Variants in PROS1 observed in about 807,000 individuals in gnomAD.
The protein encoded by PROS1 is protein S, also known as vitamin K-dependent protein S.
In PROS1, 29 loss-of-function variants were observed where a neutral mutation model predicts 75.9. The observed-to-expected ratio is 0.38, with a 90% confidence interval of 0.28 to 0.52. The LOEUF (loss-of-function observed/expected upper bound fraction) is 0.52. Among genes scored for constraint, PROS1 ranks in the 20% least tolerant of loss-of-function variants. The probability of loss-of-function intolerance (pLI) is 0.83; values close to 1 mark genes in which losing one functional copy is unlikely to be tolerated. For synonymous variants in PROS1, 245 were observed against 280.6 expected, an observed-to-expected ratio of 0.87 and a Z score of 1.27; for missense variants, 680 against 810.3, an observed-to-expected ratio of 0.84 and a Z score of 1.95.
chr3:93,973,445 G>C lies in PROS1; in HGVS notation c.76+229C>G, dbSNP rs1478928675. ...ATACTTAGTGTCATCTAGGTTCTTA[G>C]ATCTGTCCTGTAGGCAATACATTCT... is the stretch of plus-strand genomic sequence containing the variant. On this transcript the variant is annotated intron_variant, in intron 1 of 14. Transcript: ENST00000394236. The C allele has an allele frequency of 1.1e-5, 6 of 551,136 alleles. No homozygotes were observed. In the East Asian group the frequency reaches 1.6e-4, roughly 15 times the overall value. The allele number at this position is 551,136 out of a possible 1,614,324, so 34.1% of individuals were successfully genotyped here. A position where few individuals can be genotyped will look rare whatever the true frequency, so the allele number is the denominator to read the frequency against.
chr3:93,962,045 A>T (rs1345754007), intron 1 of PROS1, among the ~76,000 whole-genome samples: 1 of 152,142 alleles, frequency 6.6e-6, no homozygotes, highest in African/African-American at 2.4e-5. Flanking sequence ...AACCACTGGA[A>T]TTTTTAATAA....
chr3:93,887,838 C>A (rs1387438188), intron 10 of PROS1, among the ~76,000 whole-genome samples: 2 of 152,170 alleles, frequency 1.3e-5, no homozygotes, highest in African/African-American at 4.8e-5. Flanking sequence ...CACTATGACT[C>A]CACTCCAGGG....
Position 93,917,310 on chromosome 3 carries a change from G to T in PROS1, c.260-6605C>A, listed in dbSNP as rs1403508569. Among the ~76,000 whole-genome samples, 56 of 152,102 alleles carry T rather than the reference G, an allele frequency of 3.7e-4. No individual in the cohort carries two copies. The South Asian group carries it at 8.3e-3, about 23-fold the overall frequency. On this transcript the variant is annotated intron_variant, in intron 3 of 14. Transcript: ENST00000394236. ...GTTTTGTTTTGTTTTTTGTTTCTTTGTTTTTTTCTTTGAGACAGAGTCTCT... is the reference window on the plus strand; with the variant it reads ...GTTTTGTTTTGTTTTTTGTTTCTTTTTTTTTTTCTTTGAGACAGAGTCTCT...
chr3:93,907,736 A>T (rs1266540415), intron 4 of PROS1, among the ~76,000 whole-genome samples: 2 of 152,236 alleles, frequency 1.3e-5, no homozygotes, highest in Non-Finnish European at 2.9e-5. Context: ...AAGATCCCAT[A>T]ACACTACTTC....
At chr3:93,920,257 A>T (rs981832649) in intron 3 of PROS1, among the ~76,000 whole-genome samples, 2 of 152,054 alleles carry the variant, frequency 1.3e-5, no homozygotes, top group African/African-American at 4.8e-5. Flanking sequence ...TAATAAAATA[A>T]AATAAAATCA....
intron 3 of PROS1, among the ~76,000 whole-genome samples, chr3:93,922,036 C>T (rs1311485176): frequency 6.6e-6 from 1 of 152,072 alleles, no homozygotes; most frequent in African/African-American, 2.4e-5. Flanking sequence ...CAGTTAGAAC[C>T]CAATCCCCCA....
rs188192803 is a variant in PROS1, at chr3:93,899,482, A to T, written c.728-913T>A. 1.8e-3 allele frequency among the ~76,000 whole-genome samples: 268 copies of T among 152,286 alleles called. 2 individuals carry two copies. Among genetic ancestry groups the T allele is most frequent in the African/African-American group, 5.9e-3 (245 of 41,574 alleles). ...ATAAGAGTCATATATAAATCTTTTT[A>T]AAAAATATGTCATTCATTAAATAAA... On this transcript the variant is annotated intron_variant, in intron 7 of 14. Transcript: ENST00000394236.
intron 1 of PROS1, among the ~76,000 whole-genome samples, chr3:93,943,760 G>C (rs1709332705): frequency 6.6e-6 from 1 of 152,162 alleles, no homozygotes; most frequent in African/African-American, 2.4e-5. Flanking sequence ...CCTGAAGCAA[G>C]TGAAGAATCA....
rs1250508132 is a variant in PROS1 at position 93,879,231 on chromosome 3, A to G, written c.1576T>C (p.Leu526=). The G allele has an allele frequency of 2.5e-6, 4 of 1,614,206 alleles. No individual in the cohort carries two copies. Among genetic ancestry groups the G allele is most frequent in the Middle Eastern group, 1.7e-4 (1 of 6,060 alleles). The change falls in exon 13 of 15, where the codon TTG becomes CTG. Residue 526 remains leucine, a synonymous_variant. Transcript: ENST00000394236. ...PSTGTGVMLA[L]VSGNNTVPFA... ...GGCACTGTGTTGTTACCAGAAACCA[A>G]GGCAAGCATAACACCAGTGCCCGTG...
At chr3:93,933,525 G>A (rs1277437536) in intron 1 of PROS1, among the ~76,000 whole-genome samples, 6 of 151,440 alleles carry the variant, frequency 4.0e-5, no homozygotes, top group African/African-American at 1.2e-4. Context: ...AGGGAGCCCC[G>A]AATGTGTCAC....
intron 1 of PROS1, among the ~76,000 whole-genome samples, chr3:93,966,428 C>T (rs1026115008): frequency 2.6e-5 from 4 of 152,140 alleles, no homozygotes; most frequent in African/African-American, 9.7e-5. Context: ...GGCAGAATGA[C>T]CTACTTAATG....
intron 7 of PROS1, among the ~76,000 whole-genome samples, chr3:93,899,257 T>C (rs1358879745): frequency 6.6e-6 from 1 of 152,014 alleles, no homozygotes; most frequent in Non-Finnish European, 1.5e-5. Flanking sequence ...TCTTGGAAAT[T>C]TATAATATTA....
chr3:93,973,261 G>T (rs759906884), intron 1 of PROS1, among the ~76,000 whole-genome samples: 1 of 152,148 alleles, frequency 6.6e-6, no homozygotes, highest in Non-Finnish European at 1.5e-5. Flanking sequence ...CAGGTTTCAG[G>T]AGACGGGTGC....
At chr3:93,928,011 A>ATATATTTTT (rs1235149837) in intron 1 of PROS1, among the ~76,000 whole-genome samples, 8 of 44,458 alleles carry the variant, frequency 1.8e-4, no homozygotes, top group Admixed American at 3.8e-4. Flanking sequence ...ATATATATAT[A>ATATATTTTT]TTTTTTTTTT....
chr3:93,966,655 G>A (rs1014109599), intron 1 of PROS1, among the ~76,000 whole-genome samples: 4 of 151,968 alleles, frequency 2.6e-5, no homozygotes, highest in Non-Finnish European at 5.9e-5. Flanking sequence ...AAGGCGGGTG[G>A]ATCACAATGT....
chr3:93,965,333 G>A (rs770210296), intron 1 of PROS1, among the ~76,000 whole-genome samples: 8 of 152,176 alleles, frequency 5.3e-5, no homozygotes, highest in Non-Finnish European at 1.2e-4. Flanking sequence ...CTCCGGATCC[G>A]GAAGGGTGTC....
At chr3:93,904,971 A>T (rs1310877101) in intron 6 of PROS1, among the ~76,000 whole-genome samples, 15 of 152,192 alleles carry the variant, frequency 9.9e-5, no homozygotes, top group Admixed American at 5.9e-4. Flanking sequence ...TATAAAGAGA[A>T]AGAAAACTAG....
chr3:93,889,421 T>C (rs989923212), intron 10 of PROS1, among the ~76,000 whole-genome samples: 1 of 152,150 alleles, frequency 6.6e-6, no homozygotes, highest in Non-Finnish European at 1.5e-5. Flanking sequence ...CAATTAAAAT[T>C]CCTATTAATA....
chr3:93,880,923 C>G (rs1434616311), intron 12 of PROS1, among the ~76,000 whole-genome samples: 1 of 151,958 alleles, frequency 6.6e-6, no homozygotes, highest in Non-Finnish European at 1.5e-5. Flanking sequence ...TAATCCTCAC[C>G]CCATTTATAA....
Sources: allele counts gnomAD v4.1 joint callset (sites outside exome capture counted in the v4.1 genomes callset), GRCh38; gene constraint gnomAD v4.1.1; transcripts MANE v1.5; gene names NCBI Gene and HGNC (gene_info 2026-07-23, HGNC 2026-07-21).